LRRC8C: variants seen among roughly 807,000 people sequenced by gnomAD.
The protein encoded by LRRC8C is leucine rich repeat containing 8 VRAC subunit C.
LRRC8C carries 20 observed loss-of-function variants against 55.3 expected under a neutral mutation model. The observed-to-expected ratio is 0.36, with a 90% CI of 0.25 to 0.53. The LOEUF (loss-of-function observed/expected upper bound fraction) is 0.53. Ranked by LOEUF, LRRC8C falls within the 20% of genes least tolerant of loss-of-function variation. The pLI, the probability that LRRC8C is intolerant of heterozygous loss-of-function variation, is 0.92. For missense variants in LRRC8C, 659 were observed against 951.4 expected, an observed-to-expected ratio of 0.69 and a Z score of 4.04; for synonymous variants, 376 against 360.7, an observed-to-expected ratio of 1.04 and a Z score of -0.48.
chr1:89,631,038 A>G (rs575919882), upstream of LRRC8C, among the ~76,000 whole-genome samples: 10 of 152,364 alleles, frequency 6.6e-5, no homozygotes, highest in African/African-American at 1.2e-4. Flanking sequence ...GGTGGACTCA[A>G]CTTGCAGGGG....
chr1:89,620,439 T>A, the LRRC8C span, among the ~76,000 whole-genome samples: 1 of 152,022 alleles, frequency 6.6e-6, no homozygotes, highest in African/African-American at 2.4e-5. Flanking sequence ...AGTATAGTGA[T>A]AAGGACAAAA....
chr1:89,652,330 G>A (rs917030258), intron 1 of LRRC8C, among the ~76,000 whole-genome samples: 1 of 152,184 alleles, frequency 6.6e-6, no homozygotes, highest in East Asian at 1.9e-4. Flanking sequence ...ATTTCCAGGG[G>A]TATGAAAAGG....
intron 1 of LRRC8C, among the ~76,000 whole-genome samples, chr1:89,652,616 C>T (rs556958072): frequency 1.3e-5 from 2 of 152,128 alleles, no homozygotes; most frequent in East Asian, 1.9e-4. Context: ...ACACTAGGTA[C>T]GAGGCTCTCA....
intron 1 of LRRC8C, among the ~76,000 whole-genome samples, chr1:89,667,496 A>G (rs1395930000): frequency 1.3e-5 from 2 of 152,194 alleles, no homozygotes; most frequent in Non-Finnish European, 2.9e-5. Context: ...TCCATCAGCT[A>G]GAGCACGAGT....
In LRRC8C at chr1:89,699,244, T is replaced by C. The variant is rs190949690; in HGVS notation, c.138+12633T>C. 1.4e-3 allele frequency among the ~76,000 whole-genome samples: 212 copies of C among 152,242 alleles called. 1 individual carries two copies. Among genetic ancestry groups the C allele is most frequent in the African/African-American group, 4.9e-3 (202 of 41,546 alleles). ...AAGGACAAAGGAGGGGAGGGATAAG[T>C]AGGTATAGCTCAGAAGACTTTTAGG... On this transcript the variant is annotated intron_variant, in intron 2 of 2. Transcript: ENST00000370454.
At chr1:89,710,743 G>A (rs1658628277) in intron 2 of LRRC8C, among the ~76,000 whole-genome samples, 1 of 152,174 alleles carries the variant, frequency 6.6e-6, no homozygotes, top group Non-Finnish European at 1.5e-5. Flanking sequence ...CTTGTTATCT[G>A]CATAGGACAT....
intron 1 of LRRC8C, among the ~76,000 whole-genome samples, chr1:89,677,635 T>C (rs556005394): frequency 2.0e-5 from 3 of 152,322 alleles, no homozygotes; most frequent in African/African-American, 7.2e-5. Context: ...CTTGGGCAAG[T>C]CACCTAATCT....
chr1:89,682,699 A>G (rs1252936196), intron 1 of LRRC8C, among the ~76,000 whole-genome samples: 1 of 152,248 alleles, frequency 6.6e-6, no homozygotes, highest in Non-Finnish European at 1.5e-5. Flanking sequence ...TTAAAAAACC[A>G]GGTTCACTTG....
In LRRC8C at chr1:89,686,619, C is replaced by A; in HGVS notation, c.138+8C>A. ...TTTGGATGTACTTTACAGGTAGGTG[C>A]CTAGATCCCTGGCAAAATGGGGGCC... On this transcript the variant is annotated splice_region_variant and intron_variant, in intron 2 of 2. Transcript: ENST00000370454. The A allele has an allele frequency of 6.2e-7, 1 of 1,613,576 alleles. No individual in the cohort carries two copies. Among genetic ancestry groups the A allele is most frequent in the Non-Finnish European group, 8.5e-7 (1 of 1,179,864 alleles).
chr1:89,714,301 C>G lies in LRRC8C; in HGVS notation c.1731C>G (p.Thr577=). Residue 577 remains threonine, a synonymous_variant, in exon 3 of 3, where the codon ACC becomes ACG. Coordinates refer to ENST00000370454, the MANE Select transcript of LRRC8C (RefSeq NM_032270.5). The surrounding 1 kb of genome is among the most constrained non-coding windows in gnomAD (Gnocchi z 4.6). Reference sequence around the variant, plus strand: ...AGATGTGCATACATAATGATGGCACCAAGCTGGTGATGCTCAACAACTTAA... The same window carrying G: ...AGATGTGCATACATAATGATGGCACGAAGCTGGTGATGCTCAACAACTTAA... ...LQKMCIHNDG[T]KLVMLNNLKK... is the part of the protein sequence containing the mutation. 1.2e-6 allele frequency: 2 copies of G among 1,614,092 alleles called. No individual in the cohort carries two copies. Among genetic ancestry groups the G allele is most frequent in the East Asian group, 4.5e-5 (2 of 44,878 alleles).
intron 1 of LRRC8C, among the ~76,000 whole-genome samples, chr1:89,661,561 A>G (rs1365311143): frequency 2.0e-5 from 3 of 152,176 alleles, no homozygotes; most frequent in Non-Finnish European, 4.4e-5. Context: ...TTCTGTTTCT[A>G]CCACTTTACT....
intron 2 of LRRC8C, chr1:89,708,576 AGAAGAAGAAGATGAC>A: frequency 6.6e-6 from 1 of 151,608 alleles, no homozygotes; most frequent in Admixed American, 6.5e-5. Flanking sequence ...CTTTTGAAGA[AGAAGAAGAAGATGAC>A]GAAGAAGAAG....
At chr1:89,625,758 G>C in the LRRC8C span, among the ~76,000 whole-genome samples, 1 of 152,190 alleles carries the variant, frequency 6.6e-6, no homozygotes, top group African/African-American at 2.4e-5. Flanking sequence ...GCCTCAAAGA[G>C]AGGACAGCTT....
intron 1 of LRRC8C, among the ~76,000 whole-genome samples, chr1:89,637,561 T>C (rs1239631841): frequency 1.3e-5 from 2 of 151,950 alleles, no homozygotes; most frequent in Admixed American, 6.6e-5. Flanking sequence ...CTGCTAGATA[T>C]TGGTCATTCT....
At chr1:89,627,384 T>TTA in the LRRC8C span, among the ~76,000 whole-genome samples, 1 of 152,062 alleles carries the variant, frequency 6.6e-6, no homozygotes, top group Admixed American at 6.5e-5. Context: ...CTCTGTCTGG[T>TTA]TATAGTTCAT....
At chr1:89,698,005 G>T (rs1406578050) in intron 2 of LRRC8C, among the ~76,000 whole-genome samples, 2 of 152,132 alleles carry the variant, frequency 1.3e-5, no homozygotes, top group African/African-American at 4.8e-5. Flanking sequence ...AGTGATAGGA[G>T]AATCGTATTT....
chr1:89,691,208 C>A (rs188438252), intron 2 of LRRC8C, among the ~76,000 whole-genome samples: 151 of 152,248 alleles, frequency 9.9e-4, no homozygotes, highest in Middle Eastern at 6.8e-3. Context: ...TATGTAAATG[C>A]CTTAATGGTG....
intron 1 of LRRC8C, among the ~76,000 whole-genome samples, chr1:89,660,754 C>T (rs1430024148): frequency 1.3e-5 from 2 of 152,228 alleles, no homozygotes; most frequent in Non-Finnish European, 2.9e-5. Flanking sequence ...ACCCTGCCTC[C>T]AGACAGCAAG....
At position 89,680,004 on chromosome 1, in the gene LRRC8C, G is replaced by A. The variant is rs12092376; in HGVS notation, c.-4-6466G>A. Among the ~76,000 whole-genome samples the A allele has an allele frequency of 1.3e-3, 197 of 152,088 alleles. 1 individual carries two copies. The highest frequency in any genetic ancestry group is 4.4e-3 in the African/African-American group (182 of 41,486). Reference sequence around the variant, plus strand: ...CAAAAATTATCCTGGGGAGGAGGATGGGAACATATTATTTTAGGAAGAGCC... The same window carrying A: ...CAAAAATTATCCTGGGGAGGAGGATAGGAACATATTATTTTAGGAAGAGCC... On this transcript the variant is annotated intron_variant, in intron 1 of 2. Coordinates refer to ENST00000370454, the MANE Select transcript of LRRC8C (RefSeq NM_032270.5).
Sources: allele counts gnomAD v4.1 joint callset (sites outside exome capture counted in the v4.1 genomes callset), GRCh38; gene constraint gnomAD v4.1.1; non-coding constraint Gnocchi (gnomAD v3.1); transcripts MANE v1.5; gene names NCBI Gene and HGNC (gene_info 2026-07-23, HGNC 2026-07-21).